Variants in IQCH observed in about 807,000 individuals in gnomAD.
IQCH encodes the protein IQ domain-containing protein H.
In IQCH, 98 loss-of-function variants were observed where a neutral mutation model predicts 117.0. The observed-to-expected ratio is 0.84, with a 90% CI of 0.71 to 0.99. The LOEUF (loss-of-function observed/expected upper bound fraction) is 0.99, where lower values mean the gene tolerates loss of function less well. IQCH is among the 50% of genes least tolerant of loss of function. The pLI is 0.00. For missense variants in IQCH, 1,102 were observed against 1,243.8 expected (o/e 0.89, Z 1.72); for synonymous variants, 412 against 448.2 (o/e 0.92, Z 1.02).
chr15:67,434,999 A>AT lies in IQCH; in HGVS notation c.2505+13430dup, dbSNP rs2082104536. The stretch of plus-strand genomic sequence containing the variant: ...ATTTTGTATCTTTGTTTTTTTTTTA[A>AT]TTTTTTTTAATTTTTTTAAGCTAAT... On this transcript the variant is annotated intron_variant, in intron 16 of 20. Coordinates refer to ENST00000335894, the MANE Select transcript of IQCH (RefSeq NM_001031715.3). Among the ~76,000 whole-genome samples the AT allele has an allele frequency of 2.1e-4, 27 of 128,080 alleles. No homozygotes were observed. In the South Asian group the frequency reaches 6.4e-3, roughly 30 times the overall value. 84.0% of individuals were successfully genotyped at this position (128,080 alleles called of 152,430 possible).
At chr15:67,260,305 G>C (rs1475648905) in intron 1 of IQCH, among the ~76,000 whole-genome samples, 1 of 152,192 alleles carries the variant, frequency 6.6e-6, no homozygotes, top group Non-Finnish European at 1.5e-5. Context: ...ATTTTATTCT[G>C]AGGGTGCCTG....
intron 16 of IQCH, among the ~76,000 whole-genome samples, chr15:67,450,656 TTCATCAAGGATATTGG>T (rs1004919609): frequency 2.6e-5 from 4 of 152,210 alleles, no homozygotes; most frequent in African/African-American, 9.7e-5. Context: ...TGCATCAATG[TTCATCAAGGATATTGG>T]TCTAAAATTC....
At chr15:67,280,240 A>G (rs981786591) in intron 4 of IQCH, among the ~76,000 whole-genome samples, 6 of 152,222 alleles carry the variant, frequency 3.9e-5, no homozygotes, top group Non-Finnish European at 8.8e-5. Flanking sequence ...AAATCAAGAC[A>G]TAATACCTTC....
chr15:67,349,273 A>C (rs1969543400), intron 6 of IQCH, among the ~76,000 whole-genome samples: 3 of 152,240 alleles, frequency 2.0e-5, no homozygotes. Flanking sequence ...GGACTTCATC[A>C]AAATTAAACA....
chr15:67,290,005 T>G (rs765353828), intron 4 of IQCH, among the ~76,000 whole-genome samples: 10 of 152,100 alleles, frequency 6.6e-5, no homozygotes, highest in Admixed American at 1.3e-4. Flanking sequence ...TGACAGACTG[T>G]TTTTTAACAA....
At chr15:67,273,995 C>T (rs866227434) in intron 3 of IQCH, among the ~76,000 whole-genome samples, 1 of 152,180 alleles carries the variant, frequency 6.6e-6, no homozygotes, top group African/African-American at 2.4e-5. Flanking sequence ...TTCACATTCT[C>T]TCTTGGCTTA....
intron 16 of IQCH, among the ~76,000 whole-genome samples, chr15:67,423,001 C>T (rs1375274232): frequency 1.3e-5 from 2 of 152,220 alleles, no homozygotes; most frequent in Non-Finnish European, 2.9e-5. Flanking sequence ...CCATTTCAGT[C>T]AGATGATGGT....
chr15:67,396,359 C>T (rs1327070671), intron 13 of IQCH, among the ~76,000 whole-genome samples: 1 of 151,922 alleles, frequency 6.6e-6, no homozygotes, highest in Admixed American at 6.6e-5. Context: ...AGTAAGACAG[C>T]TCCAGGAATA....
chr15:67,370,420 T>G lies in IQCH; in HGVS notation c.754-1691T>G, dbSNP rs1326521519. Among the ~76,000 whole-genome samples, 1 of 152,250 alleles carries G rather than the reference T, an allele frequency of 6.6e-6. No homozygotes were observed. Among genetic ancestry groups the G allele is most frequent in the Non-Finnish European group, 1.5e-5 (1 of 68,042 alleles). On this transcript the variant is annotated intron_variant, in intron 8 of 20. Coordinates refer to ENST00000335894, the MANE Select transcript of IQCH (RefSeq NM_001031715.3). This position sits in a 1 kb window ranked among gnomAD's most constrained non-coding sequence, Gnocchi z 5.6. ...TGTCTGTTTCTCACTGATGAAGCAC[T>G]GTCATTCTTCTCTGAATTCTAATTC...
Position 67,454,065 on chromosome 15 carries a change from T to G in IQCH, c.2506-11062T>G, listed in dbSNP as rs1243876914. Among the ~76,000 whole-genome samples, 3 of 152,244 alleles carry G rather than the reference T, an allele frequency of 2.0e-5. No individual in the cohort carries two copies. The highest frequency in any genetic ancestry group is 4.4e-5 in the Non-Finnish European group (3 of 68,042). On this transcript the variant is annotated intron_variant, in intron 16 of 20. Transcript: ENST00000335894. The surrounding 1 kb of genome is among the most constrained non-coding windows in gnomAD (Gnocchi z 5.2). ...TATAATCTCCTGGTGTGCTGTTTTT[T>G]AAGCCCGTTGGAAAAGCGCAGTATT...
chr15:67,477,148 T>G (rs753267075), intron 18 of IQCH, among the ~76,000 whole-genome samples: 2 of 149,292 alleles, frequency 1.3e-5, no homozygotes, highest in Non-Finnish European at 3.0e-5. Flanking sequence ...CCTCCTGGGT[T>G]CAAGTGATTC....
intron 4 of IQCH, among the ~76,000 whole-genome samples, chr15:67,336,164 G>C (rs192292924): frequency 2.0e-5 from 3 of 152,118 alleles, no homozygotes; most frequent in African/African-American, 7.2e-5. Context: ...ATAGCAAACT[G>C]TTACCTAGTT....
At chr15:67,412,736 CT>C (rs1214289101) in intron 14 of IQCH, among the ~76,000 whole-genome samples, 3 of 152,130 alleles carry the variant, frequency 2.0e-5, no homozygotes, top group Non-Finnish European at 2.9e-5. Flanking sequence ...AGATGTGCCC[CT>C]GTTGCTGGCT....
Position 67,475,712 on chromosome 15 carries a change from G to A in IQCH, c.2693G>A (p.Arg898His), listed in dbSNP as rs140009311. 467 of 1,613,886 alleles carry A rather than the reference G, an allele frequency of 2.9e-4. 1 individual carries two copies. The highest frequency in any genetic ancestry group is 1.2e-3 in the Middle Eastern group (7 of 6,058). Residue 898 changes from arginine to histidine, a missense_variant, in exon 18 of 21, where the codon CGC (arginine) becomes CAC (histidine). Around this residue, in one of 2 missense-constraint regions of IQCH, gnomAD observed 650 missense variants for 794.3 expected, o/e 0.82. Coordinates refer to ENST00000335894, the MANE Select transcript of IQCH (RefSeq NM_001031715.3). This position sits in a 1 kb window ranked among gnomAD's most constrained non-coding sequence, Gnocchi z 5.7. ...ALSMPMLATS[R>H]YAVMTTQLRH... ...CCTTTCCAGATGCTGGCAACCAGTC[G>A]CTATGCAGTGATGACCACCCAGCTA... is the stretch of plus-strand genomic sequence containing the variant.
At chr15:67,289,602 T>C (rs1966683982) in intron 4 of IQCH, among the ~76,000 whole-genome samples, 1 of 152,114 alleles carries the variant, frequency 6.6e-6, no homozygotes, top group South Asian at 2.1e-4. Context: ...TAATTCAGTT[T>C]CATACAGTGT....
At chr15:67,382,703 G>A (rs1356007490) in intron 10 of IQCH, among the ~76,000 whole-genome samples, 1 of 152,218 alleles carries the variant, frequency 6.6e-6, no homozygotes, top group Non-Finnish European at 1.5e-5. Flanking sequence ...CAAGAGACAA[G>A]ACACTTACCT....
At position 67,254,891 on chromosome 15, in the gene IQCH, C is replaced by T. The variant is rs932015152; in HGVS notation, c.-6C>T. ...TCCGCGGAGGTAGCCGTTCCCTGAC[C>T]TAGCCATGGCACAGAACACTGAAAA... On this transcript the variant is annotated 5_prime_UTR_variant, in exon 1 of 21. Transcript: ENST00000335894. 1 of 1,613,440 alleles carries T rather than the reference C, an allele frequency of 6.2e-7. No individual in the cohort carries two copies. The highest frequency in any genetic ancestry group is 1.3e-5 in the African/African-American group (1 of 74,904).
chr15:67,389,658 T>C (rs1457289803), intron 12 of IQCH, among the ~76,000 whole-genome samples: 1 of 152,212 alleles, frequency 6.6e-6, no homozygotes, highest in Non-Finnish European at 1.5e-5. Context: ...ATTTAAACCT[T>C]CCATGTTAAC....
intron 8 of IQCH, among the ~76,000 whole-genome samples, chr15:67,367,461 C>T (rs995058050): frequency 2.6e-5 from 4 of 152,076 alleles, no homozygotes; most frequent in African/African-American, 7.2e-5. Flanking sequence ...ATCACTTGTG[C>T]CCAGGAGTTT....
Sources: allele counts gnomAD v4.1 joint callset (sites outside exome capture counted in the v4.1 genomes callset), GRCh38; gene constraint gnomAD v4.1.1; regional missense constraint gnomAD v4.1.1; non-coding constraint Gnocchi (gnomAD v3.1); transcripts MANE v1.5; gene names NCBI Gene and HGNC (gene_info 2026-07-23, HGNC 2026-07-21).